Variants in FER observed in about 807,000 individuals in gnomAD.
FER encodes the protein tyrosine-protein kinase Fer.
A neutral mutation model predicts 111.0 loss-of-function variants in FER; 63 were observed. The observed-to-expected ratio is 0.57, with a 90% CI of 0.46 to 0.70. FER has a LOEUF of 0.70. FER is among the 30% of genes least tolerant of loss of function. The pLI is 0.00. For missense variants in FER, 914 were observed against 954.0 expected, an observed-to-expected ratio of 0.96 and a Z score of 0.55; for synonymous variants, 327 against 313.9, an observed-to-expected ratio of 1.04 and a Z score of -0.44.
At chr5:108,798,463 T>C (rs1263349324) in intron 3 of FER, 74 bp downstream of exon 3, 4 of 1,093,930 alleles carry the variant, frequency 3.7e-6, no homozygotes, top group Non-Finnish European at 5.4e-6. Flanking sequence ...CTCAAACTAT[T>C]GAATGAGCAT....
intron 13 of FER, among the ~76,000 whole-genome samples, chr5:109,036,669 C>G (rs1195550742): frequency 6.6e-6 from 1 of 151,564 alleles, no homozygotes; most frequent in Non-Finnish European, 1.5e-5. Context: ...CTTTTTATTC[C>G]TCCCTTCCTT....
rs139210224 is a variant in FER, at chr5:109,127,551, G to A, written c.2048+27032G>A. On this transcript the variant is annotated intron_variant, in intron 17 of 19. Coordinates refer to ENST00000281092, the MANE Select transcript of FER (RefSeq NM_005246.4). ...GCTGAGTAGCTGGGATTACAGGCAC[G>A]CGCCACCACATCAGCTAATTTTTTT... Among the ~76,000 whole-genome samples, 942 of 151,986 alleles carry A rather than the reference G, an allele frequency of 6.2e-3. 7 individuals are homozygous for A. The highest frequency in any genetic ancestry group is 9.7e-3 in the Non-Finnish European group (656 of 67,938).
intron 10 of FER, among the ~76,000 whole-genome samples, chr5:108,910,520 G>T (rs887471169): frequency 2.0e-5 from 3 of 152,158 alleles, no homozygotes; most frequent in Admixed American, 2.0e-4. Context: ...AGGTATATGT[G>T]CAGGTTTGTT....
intron 17 of FER, among the ~76,000 whole-genome samples, chr5:109,162,813 A>G (rs937958819): frequency 6.6e-6 from 1 of 152,162 alleles, no homozygotes; most frequent in Non-Finnish European, 1.5e-5. Context: ...AGACTTGCAT[A>G]TTATATATTT....
Position 109,191,366 on chromosome 5 carries a change from G to C in FER, c.*3791G>C, listed in dbSNP as rs962537840. 1.3e-5 allele frequency: 2 copies of C among 151,610 alleles called. No individual in the cohort carries two copies. The highest frequency in any genetic ancestry group is 6.6e-5 in the Admixed American group (1 of 15,214). The allele number at this position is 151,610 out of a possible 1,614,324, so 9.4% of individuals were successfully genotyped here. ...TTGAAGTTTGATATTTTCTGAAAAAGCATTGTTTGCCTCAGCCCTCTTCTT... is the reference window on the plus strand; with the variant it reads ...TTGAAGTTTGATATTTTCTGAAAAACCATTGTTTGCCTCAGCCCTCTTCTT... On this transcript the variant is annotated 3_prime_UTR_variant, in exon 20 of 20. Transcript: ENST00000281092.
intron 2 of FER, among the ~76,000 whole-genome samples, chr5:108,791,396 C>G (rs533841619): frequency 2.6e-5 from 4 of 152,160 alleles, no homozygotes; most frequent in Admixed American, 6.5e-5. Context: ...TATTGAGCAT[C>G]TTTTCATGAG....
chr5:108,925,481 C>T (rs1428213438), intron 10 of FER, among the ~76,000 whole-genome samples: 6 of 151,654 alleles, frequency 4.0e-5, no homozygotes, highest in Non-Finnish European at 5.9e-5. Flanking sequence ...GGAATATAGC[C>T]CTATTTTAAA....
chr5:108,949,510 A>G (rs551425753), intron 11 of FER, among the ~76,000 whole-genome samples: 1 of 152,118 alleles, frequency 6.6e-6, no homozygotes, highest in Non-Finnish European at 1.5e-5. Context: ...GCAGTATTAC[A>G]TGTAATTTTT....
intron 3 of FER, among the ~76,000 whole-genome samples, chr5:108,828,813 C>T (rs1361999058): frequency 6.6e-6 from 1 of 152,144 alleles, no homozygotes; most frequent in Non-Finnish European, 1.5e-5. Context: ...AAAGAATTAG[C>T]TTGCAGCTGG....
intron 5 of FER, among the ~76,000 whole-genome samples, chr5:108,867,426 G>A (rs1580957397): frequency 6.6e-6 from 1 of 151,910 alleles, no homozygotes; most frequent in Non-Finnish European, 1.5e-5. Flanking sequence ...AACTTTCTTG[G>A]TTTCTTGGTT....
chr5:108,765,300 C>T (rs2149947132), intron 1 of FER, among the ~76,000 whole-genome samples: 1 of 152,136 alleles, frequency 6.6e-6, no homozygotes, highest in East Asian at 1.9e-4. Context: ...TACTTTTAAC[C>T]CAAATCTTTT....
chr5:109,081,248 T>C lies in FER; in HGVS notation c.1925-19148T>C, dbSNP rs531642597. ...CAACAAAGTTAATCTTAAACGAATA[T>C]AGAATGGGTCCTTTTCTTTTAAATA... is the stretch of plus-strand genomic sequence containing the variant. On this transcript the variant is annotated intron_variant, in intron 16 of 19. Coordinates refer to ENST00000281092, the MANE Select transcript of FER (RefSeq NM_005246.4). Among the ~76,000 whole-genome samples, 4 of 152,262 alleles carry C rather than the reference T, an allele frequency of 2.6e-5. No homozygotes were observed. In the East Asian group the frequency reaches 7.7e-4, roughly 29 times the overall value.
chr5:109,003,790 G>A (rs1003145496), intron 13 of FER, among the ~76,000 whole-genome samples: 1 of 151,854 alleles, frequency 6.6e-6, no homozygotes, highest in Non-Finnish European at 1.5e-5. Context: ...GATCAGCCTA[G>A]GCATCATAGA....
intron 13 of FER, among the ~76,000 whole-genome samples, chr5:108,987,181 C>T (rs1581524024): frequency 1.3e-5 from 2 of 152,118 alleles, no homozygotes; most frequent in South Asian, 2.1e-4. Context: ...TGCAATGGCT[C>T]ACACCTGTAA....
At chr5:108,787,694 G>A (rs1754896155) in intron 2 of FER, among the ~76,000 whole-genome samples, 1 of 152,174 alleles carries the variant, frequency 6.6e-6, no homozygotes, top group African/African-American at 2.4e-5. Context: ...GCAGAAAGGA[G>A]CTACCCACTA....
intron 16 of FER, among the ~76,000 whole-genome samples, chr5:109,060,293 CTTCTTAAGAAAA>C (rs1774223238): frequency 1.3e-5 from 2 of 152,142 alleles, no homozygotes; most frequent in Non-Finnish European, 2.9e-5. Context: ...CTTCAATATA[CTTCTTAAGAAAA>C]ACAAAACAAC....
chr5:109,080,951 A>G (rs1581941039), intron 16 of FER, among the ~76,000 whole-genome samples: 2 of 152,214 alleles, frequency 1.3e-5, no homozygotes, highest in Middle Eastern at 3.4e-3. Flanking sequence ...GACTTTTACA[A>G]ATAATAAAAT....
chr5:108,754,939 A>G (rs1750919118), intron 1 of FER, among the ~76,000 whole-genome samples: 1 of 152,228 alleles, frequency 6.6e-6, no homozygotes, highest in South Asian at 2.1e-4. Context: ...CGTATAATAT[A>G]CAGTTCCAAG....
intron 13 of FER, among the ~76,000 whole-genome samples, chr5:108,973,024 C>T (rs559714321): frequency 5.9e-5 from 9 of 152,180 alleles, no homozygotes; most frequent in African/African-American, 1.4e-4. Context: ...TTTTATACTA[C>T]GGCAAACTAT....
Sources: allele counts gnomAD v4.1 joint callset (sites outside exome capture counted in the v4.1 genomes callset), GRCh38; gene constraint gnomAD v4.1.1; transcripts MANE v1.5; gene names NCBI Gene and HGNC (gene_info 2026-07-23, HGNC 2026-07-21).